XRCC4: variants seen among roughly 807,000 people sequenced by gnomAD.
The protein encoded by XRCC4 is X-ray repair cross complementing 4, also known as DNA repair protein XRCC4.
XRCC4 carries 28 observed loss-of-function variants against 39.1 expected under a neutral mutation model. That is an observed-to-expected ratio of 0.72 (90% CI 0.53 to 0.98). The LOEUF is 0.98. XRCC4 is among the 50% of genes least tolerant of loss of function. The pLI is 0.00. For synonymous variants in XRCC4, 123 were observed against 126.4 expected, an observed-to-expected ratio of 0.97 and a Z score of 0.18; for missense variants, 350 against 376.4, an observed-to-expected ratio of 0.93 and a Z score of 0.58.
At chr5:83,239,841 AAT>A (rs1208084623) in intron 6 of XRCC4, among the ~76,000 whole-genome samples, 1 of 151,404 alleles carries the variant, frequency 6.6e-6, no homozygotes, top group African/African-American at 2.4e-5. Context: ...AAAAAAAAAA[AAT>A]ATTTTTCCTT....
chr5:83,300,546 TTGTGTG>T (rs70973389), intron 7 of XRCC4, among the ~76,000 whole-genome samples: 77 of 126,982 alleles, frequency 6.1e-4, no homozygotes, highest in African/African-American at 1.6e-3. Flanking sequence ...TATCTTTTGT[TTGTGTG>T]TGTGTGTGTG....
intron 3 of XRCC4, among the ~76,000 whole-genome samples, chr5:83,169,927 T>G (rs1355465183): frequency 6.6e-6 from 1 of 152,190 alleles, no homozygotes; most frequent in Non-Finnish European, 1.5e-5. Context: ...TTTCATAAAT[T>G]TTATTTCTAC....
intron 3 of XRCC4, among the ~76,000 whole-genome samples, chr5:83,187,890 A>G (rs1483448679): frequency 6.6e-6 from 1 of 152,180 alleles, no homozygotes; most frequent in Non-Finnish European, 1.5e-5. Flanking sequence ...ATGTGTGACT[A>G]GTGATGACTG....
chr5:83,235,098 T>C (rs1752636100), intron 6 of XRCC4, among the ~76,000 whole-genome samples: 1 of 151,292 alleles, frequency 6.6e-6, no homozygotes, highest in African/African-American at 2.4e-5. Flanking sequence ...ATTTTGGAAG[T>C]CCAAGGCAGG....
At chr5:83,220,151 A>AT in intron 6 of XRCC4, among the ~76,000 whole-genome samples, 1 of 152,152 alleles carries the variant, frequency 6.6e-6, no homozygotes, top group Non-Finnish European at 1.5e-5. Context: ...CAATTAATCA[A>AT]TTTTTTTGAT....
intron 3 of XRCC4, among the ~76,000 whole-genome samples, chr5:83,193,010 G>A (rs7722761): frequency 0.064 from 9,733 of 152,174 alleles, 510 homozygotes; most frequent in African/African-American, 0.14. Flanking sequence ...ATTTTCTGGC[G>A]TTAAAATGAT....
At chr5:83,253,807 C>G (rs1753420412) in intron 6 of XRCC4, among the ~76,000 whole-genome samples, 2 of 152,132 alleles carry the variant, frequency 1.3e-5, no homozygotes, top group African/African-American at 4.8e-5. Context: ...GGCAGCTTAG[C>G]CAACAGTGTC....
the XRCC4 span, among the ~76,000 whole-genome samples, chr5:83,367,794 T>C: frequency 2.6e-5 from 4 of 151,714 alleles, no homozygotes; most frequent in East Asian, 7.8e-4. Context: ...GGTTTCACTA[T>C]GTTGGCCAGG....
chr5:83,266,441 A>G (rs938931174), intron 7 of XRCC4, among the ~76,000 whole-genome samples: 1 of 151,664 alleles, frequency 6.6e-6, no homozygotes, highest in African/African-American at 2.4e-5. Context: ...TAAACTAATT[A>G]TGCCAAAATA....
At chr5:83,358,735 GTCAAAT>G (rs1486313109), downstream of XRCC4, among the ~76,000 whole-genome samples, 1 of 152,150 alleles carries the variant, frequency 6.6e-6, no homozygotes, top group Non-Finnish European at 1.5e-5. Context: ...AACATAACTA[GTCAAAT>G]TAATATAGGT....
chr5:83,349,585 A>G (rs777275922), intron 7 of XRCC4, among the ~76,000 whole-genome samples: 3 of 152,162 alleles, frequency 2.0e-5, no homozygotes, highest in Non-Finnish European at 4.4e-5. Flanking sequence ...AAGGAAATGT[A>G]AATTATAAGT....
At chr5:83,178,796 A>G (rs1261617666) in intron 3 of XRCC4, among the ~76,000 whole-genome samples, 1 of 152,170 alleles carries the variant, frequency 6.6e-6, no homozygotes, top group Admixed American at 6.5e-5. Context: ...TGTGGTTTTC[A>G]TGACCTGGTC....
chr5:83,168,443 G>A (rs1251186363), intron 3 of XRCC4, among the ~76,000 whole-genome samples: 1 of 152,000 alleles, frequency 6.6e-6, no homozygotes, highest in South Asian at 2.1e-4. Flanking sequence ...TTTTAAAAAC[G>A]CCTCTCTCAA....
chr5:83,158,818 TA>T (rs1749077157), intron 3 of XRCC4, among the ~76,000 whole-genome samples: 1 of 152,152 alleles, frequency 6.6e-6, no homozygotes, highest in African/African-American at 2.4e-5. Flanking sequence ...TAATCTTATA[TA>T]AAAAACATTG....
intron 6 of XRCC4, among the ~76,000 whole-genome samples, chr5:83,257,046 A>G (rs1318243274): frequency 6.6e-6 from 1 of 152,160 alleles, no homozygotes; most frequent in Non-Finnish European, 1.5e-5. Context: ...CAAGAGAGGA[A>G]TTTCAGTAGA....
chr5:83,358,089 A>G (rs1047648142), downstream of XRCC4, among the ~76,000 whole-genome samples: 1 of 152,048 alleles, frequency 6.6e-6, no homozygotes, highest in Admixed American at 6.6e-5. Context: ...CATTTTCACT[A>G]CTGATCTGAC....
intron 1 of XRCC4, among the ~76,000 whole-genome samples, chr5:83,082,407 A>G (rs1234904884): frequency 6.6e-6 from 1 of 152,204 alleles, no homozygotes; most frequent in Non-Finnish European, 1.5e-5. Flanking sequence ...CCTGGTTTTG[A>G]TAAATGCACC....
chr5:83,320,846 C>T (rs1029601280), intron 7 of XRCC4, among the ~76,000 whole-genome samples: 6 of 132,218 alleles, frequency 4.5e-5, no homozygotes, highest in African/African-American at 1.8e-4. Context: ...GAGTCTCGCT[C>T]TGTCACCCAG....
At chr5:83,368,362 G>A in the XRCC4 span, among the ~76,000 whole-genome samples, 1 of 152,112 alleles carries the variant, frequency 6.6e-6, no homozygotes, top group Non-Finnish European at 1.5e-5. Context: ...GCACAAGAAT[G>A]GCCCATGTGA....
Sources: allele counts gnomAD v4.1 joint callset (sites outside exome capture counted in the v4.1 genomes callset), GRCh38; gene constraint gnomAD v4.1.1; transcripts MANE v1.5; gene names NCBI Gene and HGNC (gene_info 2026-07-23, HGNC 2026-07-21).